The following BMPR1B variants were observed in gnomAD, a reference collection of about 807,000 sequenced individuals.
BMPR1B encodes the protein bone morphogenetic protein receptor type 1B, also known as bone morphogenetic protein receptor type-1B.
A neutral mutation model predicts 59.1 loss-of-function variants in BMPR1B; 12 were observed. That is an observed-to-expected ratio of 0.20 (90% CI 0.13 to 0.33). BMPR1B has a LOEUF of 0.33. Among genes scored for constraint, BMPR1B ranks in the 10% least tolerant of loss-of-function variants. The probability of loss-of-function intolerance (pLI) is 1.00; values close to 1 mark genes in which losing one functional copy is unlikely to be tolerated. For synonymous variants in BMPR1B, 237 were observed against 207.3 expected (o/e 1.14, Z -1.23); for missense variants, 550 against 610.9 (o/e 0.90, Z 1.05).
chr4:95,115,895 G>A (rs1220926572), intron 6 of BMPR1B, 108 bp downstream of exon 6: 4 of 1,013,520 alleles, frequency 3.9e-6, no homozygotes, highest in African/African-American at 3.2e-5. Context: ...TTCCACTGCT[G>A]GAGCAGAGCA....
chr4:94,851,960 AT>A (rs1247750093), intron 1 of BMPR1B, among the ~76,000 whole-genome samples: 1 of 152,186 alleles, frequency 6.6e-6, no homozygotes, highest in Admixed American at 6.5e-5. Flanking sequence ...ATAGTGTGTT[AT>A]CAGTAAGTGT....
At chr4:95,033,017 A>G (rs1279604537) in intron 3 of BMPR1B, among the ~76,000 whole-genome samples, 2 of 152,110 alleles carry the variant, frequency 1.3e-5, no homozygotes, top group African/African-American at 4.8e-5. Flanking sequence ...GTACCCATTC[A>G]TGTGAGGTAG....
intron 2 of BMPR1B, among the ~76,000 whole-genome samples, chr4:94,973,712 G>A (rs778988267): frequency 6.6e-6 from 1 of 152,104 alleles, no homozygotes; most frequent in Non-Finnish European, 1.5e-5. Flanking sequence ...GTGGGGTTTC[G>A]CTGCCCTTTC....
intron 6 of BMPR1B, among the ~76,000 whole-genome samples, chr4:95,119,955 T>A (rs1041948903): frequency 6.6e-6 from 1 of 152,188 alleles, no homozygotes; most frequent in African/African-American, 2.4e-5. Context: ...ATGTGGAGAC[T>A]GTTACAGGAG....
In BMPR1B at chr4:95,023,766, A is replaced by G. The variant is rs540503170; in HGVS notation, c.-18+27632A>G. Reference sequence around the variant, plus strand: ...CCAGCTTTGAAATATAAACCCACAAATAAAACAACAGACCTCTCATACCAA... The same window carrying G: ...CCAGCTTTGAAATATAAACCCACAAGTAAAACAACAGACCTCTCATACCAA... On this transcript the variant is annotated intron_variant, in intron 3 of 12. Transcript: ENST00000515059. 3.3e-5 allele frequency among the ~76,000 whole-genome samples: 5 copies of G among 152,344 alleles called. No individual in the cohort carries two copies. The East Asian group carries it at 9.6e-4, about 29-fold the overall frequency.
chr4:95,058,922 TTTGTC>T (rs896779288), intron 3 of BMPR1B, among the ~76,000 whole-genome samples: 1 of 151,870 alleles, frequency 6.6e-6, no homozygotes, highest in Non-Finnish European at 1.5e-5. Context: ...CAACTGAATA[TTTGTC>T]TTGGTTAGAG....
intron 1 of BMPR1B, among the ~76,000 whole-genome samples, chr4:94,867,084 T>A (rs1726276586): frequency 6.6e-6 from 1 of 152,182 alleles, no homozygotes; most frequent in Admixed American, 6.5e-5. Flanking sequence ...TTATATGACT[T>A]TCCCTTCTCT....
chr4:95,001,542 G>C (rs1722451026), intron 3 of BMPR1B, among the ~76,000 whole-genome samples: 1 of 152,102 alleles, frequency 6.6e-6, no homozygotes, highest in Admixed American at 6.5e-5. Flanking sequence ...TGGAGCAAAA[G>C]ATAGAAGCTA....
At chr4:94,910,220 G>A (rs1317841735) in intron 2 of BMPR1B, among the ~76,000 whole-genome samples, 1 of 152,072 alleles carries the variant, frequency 6.6e-6, no homozygotes, top group Non-Finnish European at 1.5e-5. Context: ...TGCAACTAAG[G>A]GGCCCTGAGG....
At chr4:94,763,567 G>GA (rs1260135916) in intron 1 of BMPR1B, among the ~76,000 whole-genome samples, 3 of 151,700 alleles carry the variant, frequency 2.0e-5, no homozygotes, top group Admixed American at 6.6e-5. Context: ...TCGGCTAAAG[G>GA]AAAAAAAAGA....
chr4:95,097,281 GA>G (rs1730500871), intron 3 of BMPR1B, among the ~76,000 whole-genome samples: 1 of 151,054 alleles, frequency 6.6e-6, no homozygotes. Flanking sequence ...AGGAATAAAA[GA>G]AAAAAATGGC....
intron 4 of BMPR1B, among the ~76,000 whole-genome samples, chr4:95,112,914 A>C (rs1355454867): frequency 1.3e-5 from 2 of 152,090 alleles, no homozygotes; most frequent in African/African-American, 4.8e-5. Flanking sequence ...GATAAGGAGA[A>C]ATTAGTCTTT....
intron 1 of BMPR1B, among the ~76,000 whole-genome samples, chr4:94,858,294 A>G (rs186970690): frequency 1.3e-5 from 2 of 152,324 alleles, no homozygotes; most frequent in South Asian, 2.1e-4. Context: ...GAATTGTTTT[A>G]TGCTTGTATG....
At chr4:95,064,600 A>G (rs922333491) in intron 3 of BMPR1B, among the ~76,000 whole-genome samples, 1 of 152,200 alleles carries the variant, frequency 6.6e-6, no homozygotes, top group Admixed American at 6.6e-5. Context: ...AAGACAGTCC[A>G]CATAATGGAA....
intron 2 of BMPR1B, among the ~76,000 whole-genome samples, chr4:94,981,002 C>CGCGCGCGT (rs1477910758): frequency 1.0e-4 from 12 of 120,290 alleles, no homozygotes; most frequent in East Asian, 2.4e-4. Flanking sequence ...CACACACACA[C>CGCGCGCGT]ACACACACAC....
chr4:95,021,787 T>C (rs561956069), intron 3 of BMPR1B, among the ~76,000 whole-genome samples: 1 of 152,234 alleles, frequency 6.6e-6, no homozygotes, highest in Non-Finnish European at 1.5e-5. Context: ...AAATGAACAC[T>C]ATTAATGCTG....
At chr4:94,868,305 A>C (rs1032112063) in intron 1 of BMPR1B, among the ~76,000 whole-genome samples, 1 of 151,998 alleles carries the variant, frequency 6.6e-6, no homozygotes, top group Non-Finnish European at 1.5e-5. Context: ...GGTAGCTGAG[A>C]TTACAGGTGT....
At chr4:94,843,136 C>G (rs1412573783) in intron 1 of BMPR1B, among the ~76,000 whole-genome samples, 2 of 152,002 alleles carry the variant, frequency 1.3e-5, no homozygotes, top group Non-Finnish European at 2.9e-5. Context: ...AATAACTTGC[C>G]CAAAATCACA....
intron 3 of BMPR1B, among the ~76,000 whole-genome samples, chr4:95,013,219 TTTGA>T (rs140284915): frequency 0.041 from 6,251 of 152,202 alleles, 422 homozygotes; most frequent in African/African-American, 0.14. Context: ...ATCTGTCTAA[TTTGA>T]TTATGTAAAA....
Sources: allele counts gnomAD v4.1 joint callset (sites outside exome capture counted in the v4.1 genomes callset), GRCh38; gene constraint gnomAD v4.1.1; transcripts MANE v1.5; gene names NCBI Gene and HGNC (gene_info 2026-07-23, HGNC 2026-07-21).